The following ABTB2 variants were observed in gnomAD, a reference collection of about 807,000 sequenced individuals.
ABTB2 encodes the protein ankyrin repeat and BTB/POZ domain-containing protein 2.
ABTB2 carries 56 observed loss-of-function variants against 104.1 expected under a neutral mutation model. The ratio of observed to expected loss-of-function variants is 0.54; its 90% CI spans 0.43 to 0.67. The LOEUF is 0.67. Ranked by LOEUF, ABTB2 falls within the 30% of genes least tolerant of loss-of-function variation. The pLI, the probability that ABTB2 is intolerant of heterozygous loss-of-function variation, is 0.00. For missense variants in ABTB2, 1,279 were observed against 1,407.7 expected (o/e 0.91, Z 1.46); for synonymous variants, 606 against 608.2 (o/e 1.00, Z 0.05).
chr11:34,237,276 CTTTTTTTTTTTT>C (rs561473313), intron 1 of ABTB2, among the ~76,000 whole-genome samples: 3 of 116,236 alleles, frequency 2.6e-5, no homozygotes, highest in Non-Finnish European at 3.5e-5. Flanking sequence ...CCTGGATATT[CTTTTTTTTTTTT>C]TTTTTTTTTT....
chr11:34,314,463 T>C (rs1854900191), intron 1 of ABTB2, among the ~76,000 whole-genome samples: 1 of 152,230 alleles, frequency 6.6e-6, no homozygotes, highest in Non-Finnish European at 1.5e-5. Context: ...AAGAAAGGAA[T>C]GACTAGAAAA....
At chr11:34,217,469 T>C (rs1853563835) in intron 1 of ABTB2, among the ~76,000 whole-genome samples, 1 of 151,862 alleles carries the variant, frequency 6.6e-6, no homozygotes, top group Admixed American at 6.6e-5. Flanking sequence ...TTTTTTGTTT[T>C]GTTTTGTTTT....
At chr11:34,283,670 C>A (rs368518621) in intron 1 of ABTB2, among the ~76,000 whole-genome samples, 3 of 152,312 alleles carry the variant, frequency 2.0e-5, no homozygotes, top group Non-Finnish European at 2.9e-5. Flanking sequence ...AATATTATAA[C>A]TAAATGCCAG....
Position 34,165,556 on chromosome 11 carries a change from C to T in ABTB2, c.1756-200G>A, listed in dbSNP as rs530278438. 6.6e-5 allele frequency among the ~76,000 whole-genome samples: 10 copies of T among 152,346 alleles called. No individual in the cohort carries two copies. The East Asian group carries it at 1.3e-3, about 21-fold the overall frequency. On this transcript the variant is annotated intron_variant, in intron 7 of 16. Coordinates refer to ENST00000435224, the MANE Select transcript of ABTB2 (RefSeq NM_145804.3). ...TCAAAGTTTCTAGAATCTTCAACTCCATTATTGTGGTCCAAGACCAAGCCC... is the reference window on the plus strand; with the variant it reads ...TCAAAGTTTCTAGAATCTTCAACTCTATTATTGTGGTCCAAGACCAAGCCC...
chr11:34,346,387 G>A (rs895007228), intron 1 of ABTB2, among the ~76,000 whole-genome samples: 8 of 152,132 alleles, frequency 5.3e-5, no homozygotes, highest in Admixed American at 3.3e-4. Flanking sequence ...GTGCCGGCCT[G>A]CCAGGACCTG....
rs1386679342 is a variant in ABTB2 at position 34,357,958 on chromosome 11, G to A, written c.-375C>T. ...AGGAGGCGGCGGCGCAGGGCGCAGGGCGCAGCGCGAGTCCGGGACCAGCCG... is the reference window on the plus strand; with the variant it reads ...AGGAGGCGGCGGCGCAGGGCGCAGGACGCAGCGCGAGTCCGGGACCAGCCG... On this transcript the variant is annotated 5_prime_UTR_variant, in exon 1 of 17. Coordinates refer to ENST00000435224, the MANE Select transcript of ABTB2 (RefSeq NM_145804.3). 9.5e-6 allele frequency: 2 copies of A among 211,230 alleles called. No individual in the cohort carries two copies. The highest frequency in any genetic ancestry group is 1.9e-5 in the Non-Finnish European group (2 of 107,844). 13.1% of individuals were successfully genotyped at this position (211,230 alleles called of 1,614,324 possible).
At chr11:34,176,279 C>CAAAAAAAA (rs58009507) in intron 3 of ABTB2, among the ~76,000 whole-genome samples, 1 of 74,814 alleles carries the variant, frequency 1.3e-5, no homozygotes, top group Non-Finnish European at 2.3e-5. Context: ...GACTCCGTCT[C>CAAAAAAAA]AAAAAAAAAA....
Position 34,357,979 on chromosome 11 carries a change from A to G in ABTB2, c.-396T>C, listed in dbSNP as rs1012318835. The stretch of plus-strand genomic sequence containing the variant: ...CAGGGCGCAGCGCGAGTCCGGGACC[A>G]GCCGGCGAGAAAGCGCTCTGCAAAC... On this transcript the variant is annotated 5_prime_UTR_variant, in exon 1 of 17. Coordinates refer to ENST00000435224, the MANE Select transcript of ABTB2 (RefSeq NM_145804.3). 2 of 192,982 alleles carry G rather than the reference A, an allele frequency of 1.0e-5. No homozygotes were observed. Among genetic ancestry groups the G allele is most frequent in the East Asian group, 1.2e-4 (1 of 8,344 alleles). 12.0% of individuals were successfully genotyped at this position (192,982 alleles called of 1,614,324 possible). A position where few individuals can be genotyped will look rare whatever the true frequency, so the allele number is the denominator to read the frequency against.
chr11:34,311,916 G>A (rs1190644536), intron 1 of ABTB2, among the ~76,000 whole-genome samples: 5 of 152,118 alleles, frequency 3.3e-5, no homozygotes, highest in African/African-American at 7.2e-5. Context: ...CAAGGTGGGC[G>A]GAGCACCTGA....
At chr11:34,288,782 A>G (rs1854533761) in intron 1 of ABTB2, among the ~76,000 whole-genome samples, 1 of 152,040 alleles carries the variant, frequency 6.6e-6, no homozygotes, top group Admixed American at 6.6e-5. Context: ...AGGAAGGTAT[A>G]GGGGCTGTGA....
At chr11:34,205,127 G>T (rs1484523294) in intron 1 of ABTB2, among the ~76,000 whole-genome samples, 1 of 152,146 alleles carries the variant, frequency 6.6e-6, no homozygotes, top group Admixed American at 6.5e-5. Flanking sequence ...AGGGTTCTGG[G>T]GTGACAAAGA....
At position 34,160,272 on chromosome 11, in the gene ABTB2, G is replaced by A. The variant is rs559282338; in HGVS notation, c.2479C>T (p.Arg827Trp). The change falls in exon 12 of 17, where the codon CGG becomes TGG. Residue 827 changes from arginine (R) to tryptophan (W), a missense_variant. By Grantham distance (101) the Arg-to-Trp change is moderately radical (BLOSUM62 -3). Transcript: ENST00000435224. The stretch of plus-strand genomic sequence containing the variant: ...CCTAGCCTGGCCGGCAGGGTCTTCC[G>A]GATCTCTGGGATGCTGGGGATGGGA... ...SSPIPSIPEI[R>W]KTLPARLDPH... The A allele has an allele frequency of 4.6e-5, 74 of 1,614,074 alleles. 1 individual carries two copies. The Middle Eastern group carries it at 1.2e-3, about 25-fold the overall frequency.
chr11:34,228,465 A>T (rs571493688), intron 1 of ABTB2, among the ~76,000 whole-genome samples: 1 of 152,060 alleles, frequency 6.6e-6, no homozygotes, highest in South Asian at 2.1e-4. Context: ...GCTCACTGCA[A>T]CCTCTGCCTC....
intron 1 of ABTB2, among the ~76,000 whole-genome samples, chr11:34,246,847 C>CTTTTTTTTTTTTT (rs199831054): frequency 8.5e-6 from 1 of 118,284 alleles, no homozygotes; most frequent in African/African-American, 3.2e-5. Flanking sequence ...TTTCTTTTTT[C>CTTTTTTTTTTTTT]TTTTTTTTTT....
At chr11:34,229,832 C>A (rs1853745824) in intron 1 of ABTB2, among the ~76,000 whole-genome samples, 1 of 152,168 alleles carries the variant, frequency 6.6e-6, no homozygotes, top group Non-Finnish European at 1.5e-5. Context: ...ATTTTTAAAC[C>A]TACAGTGTTG....
chr11:34,197,353 G>C lies in ABTB2; in HGVS notation c.1216C>G (p.Pro406Ala), dbSNP rs769401603. ...MESMENPNLDPPRMTLNNERP... is the reference protein window; with the variant it reads ...MESMENPNLDAPRMTLNNERP... ...TCATTGTTCAAGGTCATTCTCGGGGGGTCCAGGTTGGGGTTCTCCATGGAC... is the reference window on the plus strand; with the variant it reads ...TCATTGTTCAAGGTCATTCTCGGGGCGTCCAGGTTGGGGTTCTCCATGGAC... The change falls in exon 3 of 17, where the codon CCC (proline) becomes GCC (alanine). Residue 406 changes from proline (P) to alanine (A), a missense_variant. Transcript: ENST00000435224. 6.2e-7 allele frequency: 1 copy of C among 1,614,050 alleles called. No individual in the cohort carries two copies. Among genetic ancestry groups the C allele is most frequent in the South Asian group, 1.1e-5 (1 of 91,074 alleles).
chr11:34,352,223 T>A (rs1167199643), intron 1 of ABTB2, among the ~76,000 whole-genome samples: 1 of 152,242 alleles, frequency 6.6e-6, no homozygotes, highest in East Asian at 1.9e-4. Context: ...AAGTGAGATG[T>A]TGAGACTTCT....
chr11:34,239,544 TG>T, intron 1 of ABTB2, among the ~76,000 whole-genome samples: 1 of 152,084 alleles, frequency 6.6e-6, no homozygotes, highest in Non-Finnish European at 1.5e-5. Flanking sequence ...TTGCCCAGAC[TG>T]GTCTCGAACT....
chr11:34,355,585 A>C (rs903285601), intron 1 of ABTB2, among the ~76,000 whole-genome samples: 2 of 152,208 alleles, frequency 1.3e-5, no homozygotes, highest in African/African-American at 4.8e-5. Context: ...TGATTATGTT[A>C]AACCATGTTT....
Sources: allele counts gnomAD v4.1 joint callset (sites outside exome capture counted in the v4.1 genomes callset), GRCh38; gene constraint gnomAD v4.1.1; transcripts MANE v1.5; gene names NCBI Gene and HGNC (gene_info 2026-07-23, HGNC 2026-07-21).